Variants in ARMC3 observed in about 807,000 individuals in gnomAD.
ARMC3 encodes armadillo repeat containing 3, also known as armadillo repeat-containing protein 3.
ARMC3 carries 74 observed loss-of-function variants against 90.3 expected under a neutral mutation model. The observed-to-expected ratio is 0.82, with a 90% confidence interval of 0.68 to 0.99. The LOEUF (loss-of-function observed/expected upper bound fraction) is 0.99. ARMC3 is among the 50% of genes least tolerant of loss of function. ARMC3 has a pLI of 0.00. For synonymous variants in ARMC3, 334 were observed against 361.8 expected, an observed-to-expected ratio of 0.92 and a Z score of 0.87; for missense variants, 958 against 1,042.8, an observed-to-expected ratio of 0.92 and a Z score of 1.12.
intron 7 of ARMC3, among the ~76,000 whole-genome samples, chr10:22,963,069 A>G (rs2131265476): frequency 6.6e-6 from 1 of 152,296 alleles, no homozygotes; most frequent in Non-Finnish European, 1.5e-5. Flanking sequence ...GTGACTAACC[A>G]CAGGGTTTAT....
intron 10 of ARMC3, among the ~76,000 whole-genome samples, chr10:22,988,994 A>G (rs773433593): frequency 2.6e-5 from 4 of 152,208 alleles, no homozygotes; most frequent in African/African-American, 4.8e-5. Flanking sequence ...TCTTTGTTGC[A>G]TAGGGTTTTT....
intron 16 of ARMC3, among the ~76,000 whole-genome samples, chr10:23,015,696 C>A (rs1838241117): frequency 6.6e-6 from 1 of 152,126 alleles, no homozygotes; most frequent in Non-Finnish European, 1.5e-5. Flanking sequence ...TAATGATTTC[C>A]TAAAACATTT....
At chr10:23,001,352 C>T (rs1395236884) in intron 11 of ARMC3, among the ~76,000 whole-genome samples, 3 of 152,176 alleles carry the variant, frequency 2.0e-5, no homozygotes, top group Non-Finnish European at 2.9e-5. Flanking sequence ...GGCTTGTGAC[C>T]CTCCTTGGAT....
intron 16 of ARMC3, chr10:23,014,087 C>A (rs1838157357): frequency 6.5e-7 from 1 of 1,549,958 alleles, no homozygotes; most frequent in South Asian, 1.2e-5. Flanking sequence ...TCTTCCTCTG[C>A]ACATTCTGGC....
chr10:22,941,511 G>A (rs375090403), intron 2 of ARMC3, among the ~76,000 whole-genome samples: 1 of 152,150 alleles, frequency 6.6e-6, no homozygotes, highest in African/African-American at 2.4e-5. Context: ...TGTGAGAATA[G>A]GAGATTGAGT....
intron 13 of ARMC3, among the ~76,000 whole-genome samples, chr10:23,003,874 G>A (rs911619773): frequency 1.3e-5 from 2 of 152,084 alleles, no homozygotes; most frequent in Admixed American, 6.6e-5. Flanking sequence ...AGGAGCAGGT[G>A]ACACAGCTCA....
Position 22,962,172 on chromosome 10 carries a change from T to G in ARMC3, c.732+94T>G, listed in dbSNP as rs1835229063. The G allele has an allele frequency of 5.4e-6, 5 of 929,336 alleles. No individual in the cohort carries two copies. The African/African-American group carries it at 8.6e-5, about 16-fold the overall frequency. 57.6% of individuals were successfully genotyped at this position (929,336 alleles called of 1,614,324 possible). On this transcript the variant is annotated intron_variant, in intron 7 of 18. Coordinates refer to ENST00000298032, the MANE Select transcript of ARMC3 (RefSeq NM_173081.5). ...TTTATTATACTTAACGTGTATTAAG[T>G]GTAATAGATTAATTTGCTTATTGCT...
intron 4 of ARMC3, among the ~76,000 whole-genome samples, chr10:22,957,170 T>C (rs543510395): frequency 1.3e-5 from 2 of 152,308 alleles, no homozygotes; most frequent in South Asian, 4.1e-4. Flanking sequence ...GATTCTTTCC[T>C]AGTCTTCCTG....
intron 2 of ARMC3, among the ~76,000 whole-genome samples, chr10:22,933,224 T>A (rs765480805): frequency 7.2e-5 from 11 of 152,138 alleles, no homozygotes; most frequent in Admixed American, 1.3e-4. Flanking sequence ...TCTGGCTGCT[T>A]CTCTTAGGAC....
At position 23,002,008 on chromosome 10, in the gene ARMC3, G is replaced by A. The variant is rs141675946; in HGVS notation, c.1515G>A (p.Met505Ile). 250 of 1,613,866 alleles carry A rather than the reference G, an allele frequency of 1.5e-4. No individual in the cohort carries two copies. The African/African-American group carries it at 2.9e-3, about 19-fold the overall frequency. Residue 505 changes from methionine to isoleucine, a missense_variant, in exon 12 of 19, where the codon ATG (methionine) becomes ATA (isoleucine). Transcript: ENST00000298032. ...GGAAGCACGCCAGTTGGGCAGTGAT[G>A]GTCTGTGCTGGTGACGAGCTGACGG... is the stretch of plus-strand genomic sequence containing the variant. ...EVRKHASWAV[M>I]VCAGDELTAN...
chr10:22,976,240 C>T (rs1469112863), intron 8 of ARMC3, among the ~76,000 whole-genome samples: 1 of 152,148 alleles, frequency 6.6e-6, no homozygotes, highest in Non-Finnish European at 1.5e-5. Context: ...TCCTCTTTTT[C>T]TCCTTTTCTT....
intron 2 of ARMC3, among the ~76,000 whole-genome samples, chr10:22,937,773 G>T (rs1329549075): frequency 6.6e-6 from 1 of 152,162 alleles, no homozygotes; most frequent in Non-Finnish European, 1.5e-5. Context: ...CATAGAAAAA[G>T]TTTCCAGGGG....
At chr10:23,037,248 G>A in intron 18 of ARMC3, 22 bp from the exon 19 acceptor site, 2 of 1,559,178 alleles carry the variant, frequency 1.3e-6, no homozygotes, top group Non-Finnish European at 1.7e-6. Context: ...ACCCTTGGTT[G>A]ATCTCTTGTT....
chr10:22,971,965 C>T (rs1041062135), intron 8 of ARMC3, among the ~76,000 whole-genome samples: 4 of 152,204 alleles, frequency 2.6e-5, no homozygotes, highest in African/African-American at 9.6e-5. Context: ...GCATCTTTAT[C>T]GTGTACTTAC....
chr10:22,997,094 C>T (rs930400484), intron 10 of ARMC3, among the ~76,000 whole-genome samples: 8 of 152,280 alleles, frequency 5.3e-5, no homozygotes, highest in Middle Eastern at 3.4e-3. Context: ...CCTTTAAAAT[C>T]AGGATGCTCT....
chr10:23,028,547 C>A (rs1392380125), intron 16 of ARMC3, among the ~76,000 whole-genome samples: 38 of 152,042 alleles, frequency 2.5e-4, no homozygotes, highest in Non-Finnish European at 4.4e-4. Context: ...TCCTAAGAGT[C>A]TTATTTATGG....
At chr10:22,988,979 T>TA in intron 10 of ARMC3, among the ~76,000 whole-genome samples, 1 of 152,354 alleles carries the variant, frequency 6.6e-6, no homozygotes, top group East Asian at 1.9e-4. Flanking sequence ...GTTGTACAGC[T>TA]ATTGTCTTTG....
chr10:23,032,103 T>C (rs1366782646), intron 17 of ARMC3, among the ~76,000 whole-genome samples: 1 of 152,076 alleles, frequency 6.6e-6, no homozygotes, highest in African/African-American at 2.4e-5. Flanking sequence ...TAAATACAAA[T>C]TAAAAAATAA....
intron 10 of ARMC3, among the ~76,000 whole-genome samples, chr10:22,986,567 A>AC (rs1210321078): frequency 5.8e-4 from 84 of 145,492 alleles, no homozygotes; most frequent in African/African-American, 1.6e-3. Context: ...AAAAAACAAA[A>AC]AAAAAAAAAA....
Sources: allele counts gnomAD v4.1 joint callset (sites outside exome capture counted in the v4.1 genomes callset), GRCh38; gene constraint gnomAD v4.1.1; transcripts MANE v1.5; gene names NCBI Gene and HGNC (gene_info 2026-07-23, HGNC 2026-07-21).